The following FNDC3A variants were observed in gnomAD, a reference collection of about 807,000 sequenced individuals.
FNDC3A encodes the protein fibronectin type III domain containing 3A.
A neutral mutation model predicts 148.9 loss-of-function variants in FNDC3A; 32 were observed. The observed-to-expected ratio is 0.21, with a 90% CI of 0.16 to 0.29. The LOEUF (loss-of-function observed/expected upper bound fraction) is 0.29. Ranked by LOEUF, FNDC3A falls within the 10% of genes least tolerant of loss-of-function variation. FNDC3A has a pLI of 1.00. For synonymous variants in FNDC3A, 472 were observed against 473.6 expected (o/e 1.00, Z 0.04); for missense variants, 1,191 against 1,452.8 (o/e 0.82, Z 2.93).
chr13:49,142,958 C>T (rs1349388099), intron 7 of FNDC3A, among the ~76,000 whole-genome samples: 1 of 152,150 alleles, frequency 6.6e-6, no homozygotes, highest in Non-Finnish European at 1.5e-5. Context: ...ACCTCTGCCT[C>T]CCAGGTTCAA....
chr13:49,065,776 A>G (rs1435985085), intron 2 of FNDC3A, among the ~76,000 whole-genome samples: 2 of 152,232 alleles, frequency 1.3e-5, no homozygotes, highest in Non-Finnish European at 2.9e-5. Context: ...TTTCATTTAC[A>G]TTGTGTATTT....
At position 49,197,964 on chromosome 13, in the gene FNDC3A, G is replaced by C. The variant is rs770360435; in HGVS notation, c.2491-18G>C. ...ATGGTCATGACTTTGTTAACTCGGA[G>C]GCTCTGTTAATTTGTAGGCTCTGAG... On this transcript the variant is annotated intron_variant, in intron 21 of 25. Transcript: ENST00000492622. 1 of 1,602,004 alleles carries C rather than the reference G, an allele frequency of 6.2e-7. No individual in the cohort carries two copies. Among genetic ancestry groups the C allele is most frequent in the South Asian group, 1.1e-5 (1 of 89,764 alleles).
chr13:49,172,128 C>T (rs1884784949), intron 11 of FNDC3A, 32 bp downstream of exon 11: 1 of 1,335,240 alleles, frequency 7.5e-7, no homozygotes, highest in Non-Finnish European at 1.1e-6. Flanking sequence ...AAATGGTTAA[C>T]ATTATGTGCA....
intron 2 of FNDC3A, among the ~76,000 whole-genome samples, chr13:49,020,247 T>TA (rs571117144): frequency 8.0e-4 from 122 of 152,186 alleles, no homozygotes; most frequent in African/African-American, 2.9e-3. Flanking sequence ...AATATCAGAT[T>TA]AAAAAAACCT....
At chr13:49,112,405 A>T (rs1390514896) in intron 3 of FNDC3A, among the ~76,000 whole-genome samples, 1 of 152,216 alleles carries the variant, frequency 6.6e-6, no homozygotes, top group Non-Finnish European at 1.5e-5. Context: ...AGGAGCTAAA[A>T]GGTGAGTTTT....
At position 48,981,089 on chromosome 13, in the gene FNDC3A, G is replaced by A. The variant is rs75948021; in HGVS notation, c.-40+4912G>A. Among the ~76,000 whole-genome samples, 458 of 152,146 alleles carry A rather than the reference G, an allele frequency of 3.0e-3. 4 individuals are homozygous for A. Among genetic ancestry groups the A allele is most frequent in the African/African-American group, 0.01 (431 of 41,506 alleles). On this transcript the variant is annotated intron_variant, in intron 1 of 25. Transcript: ENST00000492622. ...TATAAAGCTTTTGATTTAAATAACA[G>A]CCTTCATAAATTGCTACTTAATACA...
intron 19 of FNDC3A, among the ~76,000 whole-genome samples, chr13:49,196,219 A>G: frequency 6.6e-6 from 1 of 152,136 alleles, no homozygotes; most frequent in East Asian, 1.9e-4. Context: ...AAGTGAAAAT[A>G]CCAGTGTATT....
At chr13:49,169,559 T>A (rs771612059) in intron 10 of FNDC3A, among the ~76,000 whole-genome samples, 7 of 152,128 alleles carry the variant, frequency 4.6e-5, no homozygotes, top group Non-Finnish European at 5.9e-5. Flanking sequence ...CCTCCTGCAT[T>A]ATTGTGATCA....
intron 2 of FNDC3A, among the ~76,000 whole-genome samples, chr13:49,009,824 T>C (rs1171242576): frequency 6.6e-6 from 1 of 152,242 alleles, no homozygotes; most frequent in Non-Finnish European, 1.5e-5. Context: ...CCAAAAGGAT[T>C]GAATACATTT....
At chr13:49,024,412 G>A (rs1224771275) in intron 2 of FNDC3A, among the ~76,000 whole-genome samples, 1 of 151,664 alleles carries the variant, frequency 6.6e-6, no homozygotes, top group Non-Finnish European at 1.5e-5. Context: ...ACTGTACAAG[G>A]ACACAACAGA....
chr13:49,127,006 C>A (rs558130515), intron 4 of FNDC3A, among the ~76,000 whole-genome samples: 1 of 152,242 alleles, frequency 6.6e-6, no homozygotes, highest in African/African-American at 2.4e-5. Context: ...GACTCCTAGC[C>A]CCACACTTCC....
chr13:49,197,348 G>A (rs1232981493), intron 20 of FNDC3A, among the ~76,000 whole-genome samples: 1 of 151,240 alleles, frequency 6.6e-6, no homozygotes. Flanking sequence ...TGTACTTATT[G>A]TGGATAGTAA....
chr13:49,155,461 A>G (rs1356921514), intron 8 of FNDC3A, among the ~76,000 whole-genome samples: 1 of 147,414 alleles, frequency 6.8e-6, no homozygotes, highest in East Asian at 2.0e-4. Flanking sequence ...TGATCCTTTC[A>G]AAAAACCAGC....
At chr13:49,128,353 G>A (rs79774128) in intron 4 of FNDC3A, among the ~76,000 whole-genome samples, 6,212 of 152,202 alleles carry the variant, frequency 0.041, 390 homozygotes, top group African/African-American at 0.13. Flanking sequence ...AGCCAGAATA[G>A]TCCTGTCAAA....
At chr13:49,199,328 A>T (rs1326968712) in intron 23 of FNDC3A, among the ~76,000 whole-genome samples, 4 of 133,176 alleles carry the variant, frequency 3.0e-5, no homozygotes, top group Admixed American at 7.5e-5. Flanking sequence ...GACCGAAACA[A>T]TTTTTTTTTT....
chr13:49,113,154 C>T (rs906853273), intron 3 of FNDC3A, among the ~76,000 whole-genome samples: 1 of 150,930 alleles, frequency 6.6e-6, no homozygotes, highest in Non-Finnish European at 1.5e-5. Context: ...TCTTCACTCT[C>T]CTTTACTGCC....
intron 23 of FNDC3A, 120 bp downstream of exon 23, chr13:49,198,694 G>C: frequency 1.3e-6 from 1 of 756,532 alleles, no homozygotes; most frequent in East Asian, 2.7e-5. Flanking sequence ...CACTTTGGGA[G>C]GCTGAGGCAG....
At chr13:48,984,213 G>T (rs925357050) in intron 1 of FNDC3A, among the ~76,000 whole-genome samples, 1 of 152,172 alleles carries the variant, frequency 6.6e-6, no homozygotes, top group African/African-American at 2.4e-5. Flanking sequence ...GAGTATTCAT[G>T]AATGTGTCAA....
chr13:49,072,343 G>C (rs1025172948), intron 2 of FNDC3A, among the ~76,000 whole-genome samples: 1 of 151,886 alleles, frequency 6.6e-6, no homozygotes, highest in African/African-American at 2.4e-5. Flanking sequence ...TCATGTCAAG[G>C]CTAGGTGAAA....
Sources: allele counts gnomAD v4.1 joint callset (sites outside exome capture counted in the v4.1 genomes callset), GRCh38; gene constraint gnomAD v4.1.1; transcripts MANE v1.5; gene names NCBI Gene and HGNC (gene_info 2026-07-23, HGNC 2026-07-21).